The following RNF38 variants were observed in gnomAD, a reference collection of about 807,000 sequenced individuals.
RNF38 encodes ring finger protein 38, also known as E3 ubiquitin-protein ligase RNF38.
RNF38 carries 15 observed loss-of-function variants against 67.2 expected under a neutral mutation model. The observed-to-expected ratio is 0.22, with a 90% CI of 0.15 to 0.34. The LOEUF (loss-of-function observed/expected upper bound fraction) is 0.34. RNF38 is among the 10% of genes least tolerant of loss of function. The pLI, the probability that RNF38 is intolerant of heterozygous loss-of-function variation, is 1.00. For missense variants in RNF38, 524 were observed against 639.9 expected (o/e 0.82, Z 1.95); for synonymous variants, 220 against 218.8 (o/e 1.01, Z -0.05).
At position 36,430,913 on chromosome 9, in the gene RNF38, T is replaced by C. The variant is rs113604843; in HGVS notation, n.242-6230A>G. On this transcript the variant is annotated intron_variant and non_coding_transcript_variant, in intron 1 of 3. Coordinates refer to the RNF38 transcript ENST00000488058. ...CATTTCTGGCACACAATTTATGAGT[T>C]GTCCACACCAAGCAATCCTTCAGTT... 2.6e-3 allele frequency among the ~76,000 whole-genome samples: 393 copies of C among 152,170 alleles called. 4 individuals carry two copies. The highest frequency in any genetic ancestry group is 9.1e-3 in the African/African-American group (378 of 41,530).
chr9:36,390,439 T>TA, intron 2 of RNF38, 28 bp downstream of exon 2: 1 of 1,588,588 alleles, frequency 6.3e-7, no homozygotes, highest in Non-Finnish European at 8.6e-7. Flanking sequence ...TTCAGCCCTA[T>TA]GTAGGGAAAG....
At chr9:36,393,477 T>TTGTGTGTGTGTGTGTGTGTGTGTGTG (rs58913703) in intron 1 of RNF38, among the ~76,000 whole-genome samples, 7 of 87,760 alleles carry the variant, frequency 8.0e-5, no homozygotes, top group Non-Finnish European at 1.5e-4. Context: ...CACACACACA[T>TTGTGTGTGTGTGTGTGTGTGTGTGTG]TGTGTGTGTG....
intron 2 of RNF38, among the ~76,000 whole-genome samples, chr9:36,420,856 T>C (rs1205130233): frequency 6.6e-6 from 1 of 152,152 alleles, no homozygotes; most frequent in African/African-American, 2.4e-5. Flanking sequence ...TATAAATTAA[T>C]GAGAATTTGT....
At chr9:36,436,338 A>G (rs1839064667) in intron 1 of RNF38, among the ~76,000 whole-genome samples, 1 of 152,240 alleles carries the variant, frequency 6.6e-6, no homozygotes, top group South Asian at 2.1e-4. Flanking sequence ...TCCAAACAAG[A>G]AGAGACCTCA....
intron 1 of RNF38, among the ~76,000 whole-genome samples, chr9:36,391,059 A>C (rs574926303): frequency 3.5e-4 from 54 of 152,376 alleles, no homozygotes; most frequent in African/African-American, 1.3e-3. Context: ...CATGCAAAGG[A>C]AAATGACAGA....
chr9:36,416,024 A>G (rs368924689), intron 2 of RNF38, among the ~76,000 whole-genome samples: 92 of 151,946 alleles, frequency 6.1e-4, no homozygotes, highest in African/African-American at 2.1e-3. Context: ...GGTCACTTGG[A>G]TAAGTATTCT....
At chr9:36,416,633 C>T (rs1838476368) in intron 2 of RNF38, among the ~76,000 whole-genome samples, 1 of 151,940 alleles carries the variant, frequency 6.6e-6, no homozygotes, top group African/African-American at 2.4e-5. Context: ...GGTCCTTCCC[C>T]ATTTCTAATG....
At position 36,420,449 on chromosome 9, in the gene RNF38, G is replaced by C. The variant is rs567752363; in HGVS notation, n.312+4164C>G. 2.7e-5 allele frequency among the ~76,000 whole-genome samples: 4 copies of C among 148,864 alleles called. No individual in the cohort carries two copies. The East Asian group carries it at 8.0e-4, about 30-fold the overall frequency. Reference sequence around the variant, plus strand: ...AGGGAGGCTGAGGCAGGAGAATGGAGTGAACCCAGGAGGCAGAGCTTGCAG... The same window carrying C: ...AGGGAGGCTGAGGCAGGAGAATGGACTGAACCCAGGAGGCAGAGCTTGCAG... On this transcript the variant is annotated intron_variant and non_coding_transcript_variant, in intron 2 of 3. Transcript: ENST00000488058.
At chr9:36,417,360 C>T (rs1287776160) in intron 2 of RNF38, among the ~76,000 whole-genome samples, 1 of 152,170 alleles carries the variant, frequency 6.6e-6, no homozygotes, top group Admixed American at 6.5e-5. Context: ...TTTTGTCCAT[C>T]CGAGTAGAAG....
intron 1 of RNF38, among the ~76,000 whole-genome samples, chr9:36,474,119 C>T (rs1330244564): frequency 6.6e-6 from 1 of 151,770 alleles, no homozygotes; most frequent in Non-Finnish European, 1.5e-5. Flanking sequence ...TGAGACCATC[C>T]TGGCTAACAC....
upstream of RNF38, chr9:36,400,357 G>A (rs894927867): frequency 1.6e-6 from 2 of 1,213,156 alleles, no homozygotes; most frequent in African/African-American, 1.6e-5. Context: ...GGGAGCGAGA[G>A]AGCGAGGCCA....
chr9:36,386,135 T>TTAAA (rs1448192171), intron 2 of RNF38, among the ~76,000 whole-genome samples: 1 of 152,198 alleles, frequency 6.6e-6, no homozygotes, highest in Non-Finnish European at 1.5e-5. Context: ...CTACGATGAT[T>TTAAA]TAAAATTCAC....
intron 9 of RNF38, among the ~76,000 whole-genome samples, chr9:36,347,353 TACG>T (rs1833337405): frequency 1.3e-5 from 2 of 152,170 alleles, no homozygotes; most frequent in Admixed American, 1.3e-4. Flanking sequence ...ATGCCACAGA[TACG>T]ACCTTTTTAA....
At chr9:36,345,265 T>C (rs1833142555) in intron 9 of RNF38, among the ~76,000 whole-genome samples, 1 of 152,238 alleles carries the variant, frequency 6.6e-6, no homozygotes, top group Non-Finnish European at 1.5e-5. Flanking sequence ...CCTTGATCTA[T>C]CCATTACGCA....
intron 2 of RNF38, among the ~76,000 whole-genome samples, chr9:36,408,374 G>A (rs191146420): frequency 6.6e-6 from 1 of 151,982 alleles, no homozygotes; most frequent in East Asian, 1.9e-4. Flanking sequence ...GACCCTGGAG[G>A]GGAATCAGTA....
upstream of RNF38, among the ~76,000 whole-genome samples, chr9:36,401,480 G>A (rs1838031541): frequency 6.6e-6 from 1 of 152,170 alleles, no homozygotes; most frequent in South Asian, 2.1e-4. Flanking sequence ...CGAAAAGTAA[G>A]AATTTTTATT....
rs1181187040 is a variant in RNF38, at chr9:36,469,182, T to A, written n.241+18126A>T. On this transcript the variant is annotated intron_variant and non_coding_transcript_variant, in intron 1 of 3. Coordinates refer to the RNF38 transcript ENST00000488058. ...AATCCTGGATCCTTCTCTCCAGAAG[T>A]AATCATCTTTGTTATCAGTTAGGTG... Among the ~76,000 whole-genome samples, 4 of 152,176 alleles carry A rather than the reference T, an allele frequency of 2.6e-5. No individual in the cohort carries two copies. In the East Asian group the frequency reaches 7.7e-4, roughly 29 times the overall value.
chr9:36,451,389 C>T (rs575618940), intron 1 of RNF38, among the ~76,000 whole-genome samples: 17 of 149,746 alleles, frequency 1.1e-4, no homozygotes, highest in Middle Eastern at 3.6e-3. Context: ...CGCTTGAAGC[C>T]GGGAGGCTGG....
chr9:36,477,936 T>A (rs182366347), intron 1 of RNF38, among the ~76,000 whole-genome samples: 1 of 151,752 alleles, frequency 6.6e-6, no homozygotes, highest in Non-Finnish European at 1.5e-5. Context: ...GAAGCTGCAG[T>A]GAGCTATGAT....
Sources: gnomAD v4.1 joint callset for allele counts (sites outside exome capture counted in the v4.1 genomes callset) on GRCh38, gnomAD v4.1.1 for gene constraint, MANE v1.5 for transcripts, NCBI Gene and HGNC (gene_info 2026-07-23, HGNC 2026-07-21) for gene names.